Variants in FAM167A observed in about 807,000 individuals in gnomAD.
FAM167A encodes family with sequence similarity 167 member A.
In FAM167A, 23 loss-of-function variants were observed where a neutral mutation model predicts 14.9. The ratio of observed to expected loss-of-function variants is 1.55; its 90% CI spans 1.11 to 2.19. The LOEUF is 2.19. Among genes scored for constraint, FAM167A ranks in the 30% most tolerant of loss-of-function variants. The pLI is 0.00. For missense variants in FAM167A, 401 were observed against 281.5 expected (o/e 1.42, Z -3.04); for synonymous variants, 174 against 117.7 (o/e 1.48, Z -3.10).
Position 11,421,777 on chromosome 8 carries a change from G to C in FAM167A, c.*2596C>G. ...CAGCGATGCTTGGGGATGGCAGAGA[G>C]ATGGATGGATAATGAGTACAACTGC... On this transcript the variant is annotated 3_prime_UTR_variant, in exon 3 of 3. Transcript: ENST00000284486. 1 of 398,982 alleles carries C rather than the reference G, an allele frequency of 2.5e-6. No homozygotes were observed. Among genetic ancestry groups the C allele is most frequent in the East Asian group, 3.6e-5 (1 of 28,080 alleles). The allele number at this position is 398,982 out of a possible 1,614,324, so 24.7% of individuals were successfully genotyped here. A position where few individuals can be genotyped will look rare whatever the true frequency, so the allele number is the denominator to read the frequency against.
At chr8:11,469,437 G>T (rs549004189), upstream of FAM167A, among the ~76,000 whole-genome samples, 1 of 152,252 alleles carries the variant, frequency 6.6e-6, no homozygotes, top group Admixed American at 6.5e-5. Flanking sequence ...ATCTGGGTGG[G>T]CCAGAGAAGG....
chr8:11,433,348 C>T (rs1306902414), intron 2 of FAM167A, among the ~76,000 whole-genome samples: 1 of 152,156 alleles, frequency 6.6e-6, no homozygotes, highest in African/African-American at 2.4e-5. Flanking sequence ...CAGACAAATC[C>T]TCCCCTTTCC....
At chr8:11,439,749 T>C (rs1053963705) in intron 2 of FAM167A, among the ~76,000 whole-genome samples, 1 of 152,244 alleles carries the variant, frequency 6.6e-6, no homozygotes, top group African/African-American at 2.4e-5. Context: ...GTTTTCATCC[T>C]GGCACTGCAT....
At chr8:11,432,576 G>C (rs919275269) in intron 2 of FAM167A, among the ~76,000 whole-genome samples, 3 of 152,204 alleles carry the variant, frequency 2.0e-5, no homozygotes, top group South Asian at 2.1e-4. Flanking sequence ...TAACATGCTG[G>C]AGAGGATGTG....
At chr8:11,444,912 G>T in intron 1 of FAM167A, 104 bp from the exon 2 acceptor site, 2 of 902,720 alleles carry the variant, frequency 2.2e-6, no homozygotes, top group Non-Finnish European at 1.3e-6. Context: ...AGAGTGGACT[G>T]GTGGCTGCGC....
intron 1 of FAM167A, among the ~76,000 whole-genome samples, chr8:11,453,871 AGCAAACCGAGGTG>A (rs1171259140): frequency 6.6e-6 from 1 of 152,224 alleles, no homozygotes; most frequent in Admixed American, 6.5e-5. Context: ...CCCATCATGC[AGCAAACCGAGGTG>A]GCAGCCTATG....
upstream of FAM167A, among the ~76,000 whole-genome samples, chr8:11,469,232 C>G (rs1419013222): frequency 6.6e-6 from 1 of 152,154 alleles, no homozygotes; most frequent in Admixed American, 6.5e-5. Flanking sequence ...TATTAGCTGT[C>G]GTTATCTCTG....
At chr8:11,443,830 T>A in intron 2 of FAM167A, 1 of 630,232 alleles carries the variant, frequency 1.6e-6, no homozygotes. Context: ...TAGGGGCTGA[T>A]GACACCTGGG....
At position 11,444,697 on chromosome 8, in the gene FAM167A, C is replaced by G. The variant is rs1002012454; in HGVS notation, c.-286G>C. ...CAGGAACAGACAGCGTCGCAGGAAT[C>G]TCGGGGCAGCCTGTGCCAAGGTCTA... On this transcript the variant is annotated 5_prime_UTR_variant, in exon 2 of 3. Transcript: ENST00000284486. 30 of 1,206,976 alleles carry G rather than the reference C, an allele frequency of 2.5e-5. No homozygotes were observed. In the Middle Eastern group the frequency reaches 1.3e-3, roughly 53 times the overall value. 74.8% of individuals were successfully genotyped at this position (1,206,976 alleles called of 1,614,324 possible). A position where few individuals can be genotyped will look rare whatever the true frequency, so the allele number is the denominator to read the frequency against.
At chr8:11,452,890 C>G (rs1219254027) in intron 1 of FAM167A, among the ~76,000 whole-genome samples, 2 of 152,222 alleles carry the variant, frequency 1.3e-5, no homozygotes, top group African/African-American at 2.4e-5. Context: ...ATTCGGGCCT[C>G]ACGTCCTTCT....
rs1408840217 is a variant in FAM167A, at chr8:11,422,995, A to C, written c.*1378T>G. 1 of 152,646 alleles carries C rather than the reference A, an allele frequency of 6.6e-6. No individual in the cohort carries two copies. Among genetic ancestry groups the C allele is most frequent in the African/African-American group, 2.4e-5 (1 of 41,448 alleles). The allele number at this position is 152,646 out of a possible 1,614,324, so 9.5% of individuals were successfully genotyped here. A position where few individuals can be genotyped will look rare whatever the true frequency, so the allele number is the denominator to read the frequency against. On this transcript the variant is annotated 3_prime_UTR_variant, in exon 3 of 3. Transcript: ENST00000284486. ...GCATCACGACCATCTTTGGGGTTCA[A>C]GTTCATTGACATGTGATCTACTAGG... is the stretch of plus-strand genomic sequence containing the variant.
At chr8:11,449,144 G>C (rs1489564995) in intron 1 of FAM167A, among the ~76,000 whole-genome samples, 3 of 152,242 alleles carry the variant, frequency 2.0e-5, no homozygotes, top group Non-Finnish European at 4.4e-5. Flanking sequence ...AGTTGCTCAA[G>C]CAGCATGTGT....
upstream of FAM167A, among the ~76,000 whole-genome samples, chr8:11,471,307 G>A (rs187921106): frequency 8.5e-4 from 130 of 152,304 alleles, no homozygotes; most frequent in African/African-American, 3.1e-3. Flanking sequence ...TGCAGGGCTC[G>A]GCGCAACTGC....
At chr8:11,458,208 C>T (rs570332440) in intron 1 of FAM167A, among the ~76,000 whole-genome samples, 14 of 152,270 alleles carry the variant, frequency 9.2e-5, no homozygotes, top group Admixed American at 2.6e-4. Context: ...CTCATCCTTC[C>T]GCGATAGCCT....
chr8:11,467,097 A>T (rs763920050), upstream of FAM167A, among the ~76,000 whole-genome samples: 1 of 151,904 alleles, frequency 6.6e-6, no homozygotes, highest in Non-Finnish European at 1.5e-5. Flanking sequence ...GCGCAGGGGG[A>T]CCCCACGCCC....
At chr8:11,433,625 G>A (rs1263099232) in intron 2 of FAM167A, among the ~76,000 whole-genome samples, 1 of 152,286 alleles carries the variant, frequency 6.6e-6, no homozygotes, top group South Asian at 2.1e-4. Context: ...TGGAGAGCGT[G>A]GTAATCAGCT....
chr8:11,462,523 G>A (rs188473619), intron 1 of FAM167A, among the ~76,000 whole-genome samples: 49 of 152,302 alleles, frequency 3.2e-4, no homozygotes, highest in Admixed American at 1.2e-3. Context: ...CCTGCACTGC[G>A]AAAGTTAACT....
At chr8:11,427,905 G>C (rs912743668) in intron 2 of FAM167A, among the ~76,000 whole-genome samples, 25 of 152,262 alleles carry the variant, frequency 1.6e-4, no homozygotes, top group Admixed American at 1.6e-3. Context: ...ATGATGATAG[G>C]GTGGCTGGTC....
intron 1 of FAM167A, among the ~76,000 whole-genome samples, chr8:11,462,144 C>A (rs899931713): frequency 6.6e-6 from 1 of 152,224 alleles, no homozygotes; most frequent in Admixed American, 6.5e-5. Flanking sequence ...TGTCAGCTTG[C>A]GCTGGAGGTA....
Sources: gnomAD v4.1 joint callset for allele counts (sites outside exome capture counted in the v4.1 genomes callset) on GRCh38, gnomAD v4.1.1 for gene constraint, MANE v1.5 for transcripts, NCBI Gene and HGNC (gene_info 2026-07-23, HGNC 2026-07-21) for gene names.